The following MSI2 variants were observed in gnomAD, a reference collection of about 807,000 sequenced individuals.
The protein encoded by MSI2 is musashi RNA binding protein 2.
MSI2 carries 17 observed loss-of-function variants against 45.6 expected under a neutral mutation model. That is an observed-to-expected ratio of 0.37 (90% confidence interval 0.26 to 0.56). The LOEUF is 0.56. MSI2 is among the 20% of genes least tolerant of loss of function. The pLI, the probability that MSI2 is intolerant of heterozygous loss-of-function variation, is 0.77. For missense variants in MSI2, 293 were observed against 444.2 expected (o/e 0.66, Z 3.06); for synonymous variants, 156 against 158.2 (o/e 0.99, Z 0.11).
At chr17:57,553,122 T>C (rs1008879898) in intron 7 of MSI2, among the ~76,000 whole-genome samples, 1 of 152,032 alleles carries the variant, frequency 6.6e-6, no homozygotes, top group African/African-American at 2.4e-5. Context: ...AATGCAGCCT[T>C]TGGTTGTCCA....
chr17:57,588,640 G>T (rs1307262941), intron 7 of MSI2, among the ~76,000 whole-genome samples: 1 of 152,190 alleles, frequency 6.6e-6, no homozygotes, highest in Non-Finnish European at 1.5e-5. Context: ...ATACTTCAGG[G>T]TGCAGGGGAA....
At chr17:57,575,706 G>C (rs772238801) in intron 7 of MSI2, among the ~76,000 whole-genome samples, 10 of 152,108 alleles carry the variant, frequency 6.6e-5, no homozygotes, top group Non-Finnish European at 1.3e-4. Flanking sequence ...AGCACTTTGG[G>C]AGGCTGAGGC....
chr17:57,685,910 G>A (rs9898481), downstream of MSI2, among the ~76,000 whole-genome samples: 72,115 of 152,074 alleles, frequency 0.47, 17,230 homozygotes, highest in East Asian at 0.69. Flanking sequence ...GCTCAGCTCA[G>A]AGAAAGGGGA....
intron 6 of MSI2, among the ~76,000 whole-genome samples, chr17:57,511,076 A>G (rs1171119764): frequency 6.6e-6 from 1 of 152,182 alleles, no homozygotes; most frequent in Non-Finnish European, 1.5e-5. Context: ...GGAGGTCACC[A>G]CCACATCCAG....
chr17:57,347,934 C>T (rs1044990861), intron 5 of MSI2, among the ~76,000 whole-genome samples: 4 of 152,216 alleles, frequency 2.6e-5, no homozygotes, highest in African/African-American at 4.8e-5. Context: ...GGCGATAGAG[C>T]GGTGAGCAAG....
At chr17:57,478,215 C>G (rs764592475) in intron 6 of MSI2, among the ~76,000 whole-genome samples, 7 of 152,240 alleles carry the variant, frequency 4.6e-5, no homozygotes, top group Non-Finnish European at 1.0e-4. Context: ...CCCTCTTTAG[C>G]TCTGGGGGAG....
At chr17:57,608,871 A>G (rs1906939120) in intron 8 of MSI2, among the ~76,000 whole-genome samples, 1 of 152,176 alleles carries the variant, frequency 6.6e-6, no homozygotes, top group South Asian at 2.1e-4. Context: ...GCCTTACAAA[A>G]TGTCCTGCTT....
At position 57,321,873 on chromosome 17, in the gene MSI2, C is replaced by G. The variant is rs1053871306; in HGVS notation, c.312+59681C>G. ...GTGCCGTGGCGCGATCTTGGCTCAC[C>G]GCAACCTCTGCCTCCCGGATTCAAG... is the stretch of plus-strand genomic sequence containing the variant. On this transcript the variant is annotated intron_variant, in intron 5 of 13. Coordinates refer to ENST00000284073, the MANE Select transcript of MSI2 (RefSeq NM_138962.4). Among the ~76,000 whole-genome samples the G allele has an allele frequency of 2.6e-5, 4 of 151,996 alleles. No individual in the cohort carries two copies. In the East Asian group the frequency reaches 7.7e-4, roughly 29 times the overall value.
At chr17:57,287,513 C>T (rs558908861) in intron 5 of MSI2, among the ~76,000 whole-genome samples, 104 of 152,312 alleles carry the variant, frequency 6.8e-4, no homozygotes, top group Non-Finnish European at 1.1e-3. Context: ...CATGTTGACT[C>T]TCCTGGGCTT....
rs1169671303 is a variant in MSI2 at position 57,681,338 on chromosome 17, A to AT, written c.*1827dup. On this transcript the variant is annotated 3_prime_UTR_variant, in exon 14 of 14. Transcript: ENST00000284073. ...AAAACATATTGTAGTGTGGATATAT[A>AT]TTTTTTCTTTTTTAAAATGTGATAT... 8 of 180,580 alleles carry AT rather than the reference A, an allele frequency of 4.4e-5. No individual in the cohort carries two copies. The highest frequency in any genetic ancestry group is 4.0e-4 in the South Asian group (2 of 5,054). 11.2% of individuals were successfully genotyped at this position (180,580 alleles called of 1,614,324 possible).
the MSI2 span, among the ~76,000 whole-genome samples, chr17:57,690,158 T>G: frequency 6.6e-6 from 1 of 152,222 alleles, no homozygotes; most frequent in African/African-American, 2.4e-5. Context: ...AGTTTTTTTT[T>G]TTTTTTTTTA....
chr17:57,285,042 T>C (rs1909750127), intron 5 of MSI2, among the ~76,000 whole-genome samples: 1 of 152,150 alleles, frequency 6.6e-6, no homozygotes, highest in South Asian at 2.1e-4. Context: ...GGGGAGGTTT[T>C]TCTGTGCATA....
intron 5 of MSI2, chr17:57,266,550 G>A (rs1907793823): frequency 6.6e-6 from 1 of 152,060 alleles, no homozygotes; most frequent in Admixed American, 6.6e-5. Flanking sequence ...TTGTAGAAAT[G>A]GGGTTTCACC....
chr17:57,576,947 G>A (rs965451825), intron 7 of MSI2, among the ~76,000 whole-genome samples: 2 of 152,134 alleles, frequency 1.3e-5, no homozygotes, highest in African/African-American at 4.8e-5. Context: ...GTCCAGTCCG[G>A]TATTTGGTTG....
chr17:57,269,705 C>T (rs1223733943), intron 5 of MSI2, among the ~76,000 whole-genome samples: 1 of 152,144 alleles, frequency 6.6e-6, no homozygotes, highest in African/African-American at 2.4e-5. Context: ...GTGACCTCAC[C>T]ATGTGTAGAC....
intron 5 of MSI2, chr17:57,294,854 T>C (rs993065666): frequency 6.6e-6 from 1 of 152,544 alleles, no homozygotes; most frequent in African/African-American, 2.4e-5. Flanking sequence ...TGAGCAAACA[T>C]TTCTTGATCC....
chr17:57,484,679 A>T (rs1332626329), intron 6 of MSI2, among the ~76,000 whole-genome samples: 1 of 151,962 alleles, frequency 6.6e-6, no homozygotes, highest in African/African-American at 2.4e-5. Context: ...GAGTGCTTGG[A>T]CCCTCTGTGG....
intron 5 of MSI2, among the ~76,000 whole-genome samples, chr17:57,396,949 G>A (rs1425330403): frequency 1.3e-5 from 2 of 152,162 alleles, no homozygotes; most frequent in Non-Finnish European, 2.9e-5. Context: ...ATGGTGGGAA[G>A]CACTCACATA....
intron 6 of MSI2, among the ~76,000 whole-genome samples, chr17:57,474,533 C>G (rs2085501319): frequency 6.6e-6 from 1 of 152,168 alleles, no homozygotes. Context: ...CCCCCACCCC[C>G]AGTCATGACA....
Sources: gnomAD v4.1 joint callset for allele counts (sites outside exome capture counted in the v4.1 genomes callset) on GRCh38, gnomAD v4.1.1 for gene constraint, MANE v1.5 for transcripts, NCBI Gene and HGNC (gene_info 2026-07-23, HGNC 2026-07-21) for gene names.